UBR2: variants seen among roughly 807,000 people sequenced by gnomAD.
UBR2 encodes E3 ubiquitin-protein ligase UBR2.
A neutral mutation model predicts 247.9 loss-of-function variants in UBR2; 92 were observed. That is an observed-to-expected ratio of 0.37 (90% CI 0.31 to 0.44). The LOEUF is 0.44. Ranked by LOEUF, UBR2 falls within the 20% of genes least tolerant of loss-of-function variation. UBR2 has a pLI of 1.00. For missense variants in UBR2, 1,613 were observed against 2,112.6 expected (o/e 0.76, Z 4.64); for synonymous variants, 672 against 693.5 (o/e 0.97, Z 0.49).
intron 41 of UBR2, among the ~76,000 whole-genome samples, chr6:42,679,149 A>G (rs1389476666): frequency 6.6e-6 from 1 of 152,194 alleles, no homozygotes; most frequent in Non-Finnish European, 1.5e-5. Context: ...TCATTTCATA[A>G]AAGTAGTATG....
chr6:42,633,010 C>T, intron 13 of UBR2, 106 bp downstream of exon 13: 2 of 713,816 alleles, frequency 2.8e-6, no homozygotes, highest in Non-Finnish European at 4.1e-6. Context: ...ATGGGGGTCT[C>T]ACTGTGTTGC....
rs773132766 is a variant in UBR2, at chr6:42,662,176, T to A, written c.3443-8T>A. ...TTTTGTTTTGTTTTGTTTTGTTTTG[T>A]AATGCAGAAAAATATGATCCATTAT... On this transcript the variant is annotated splice_region_variant and splice_polypyrimidine_tract_variant and intron_variant, in intron 30 of 46. Coordinates refer to ENST00000372901, the MANE Select transcript of UBR2 (RefSeq NM_001363705.2). 6.4e-7 allele frequency: 1 copy of A among 1,570,732 alleles called. No individual in the cohort carries two copies. Among genetic ancestry groups the A allele is most frequent in the South Asian group, 1.2e-5 (1 of 86,626 alleles).
At chr6:42,666,394 A>G in intron 34 of UBR2, 149 bp downstream of exon 34, 1 of 613,332 alleles carries the variant, frequency 1.6e-6, no homozygotes. Flanking sequence ...AGAGGCTGAG[A>G]CAGGAGGATA....
At chr6:42,597,841 G>A (rs1028573977) in intron 4 of UBR2, among the ~76,000 whole-genome samples, 1 of 152,002 alleles carries the variant, frequency 6.6e-6, no homozygotes, top group Middle Eastern at 3.4e-3. Context: ...GCTTGAACCC[G>A]AGAGGCAGAA....
chr6:42,615,218 T>C, intron 9 of UBR2, 40 bp downstream of exon 9: 1 of 1,455,568 alleles, frequency 6.9e-7, no homozygotes, highest in South Asian at 1.3e-5. Flanking sequence ...GAGGAACCTA[T>C]ATAAGTAATT....
intron 32 of UBR2, 92 bp downstream of exon 32, chr6:42,663,511 A>G: frequency 3.1e-6 from 4 of 1,305,394 alleles, no homozygotes; most frequent in Non-Finnish European, 4.1e-6. Flanking sequence ...TAGTCTAGGC[A>G]ATTGCATAGT....
chr6:42,643,732 A>C (rs1303743044), intron 18 of UBR2, among the ~76,000 whole-genome samples: 1 of 152,238 alleles, frequency 6.6e-6, no homozygotes, highest in East Asian at 1.9e-4. Flanking sequence ...AAAAGCTGTC[A>C]CTTCAGTCAG....
chr6:42,665,553 G>A (rs765291699), intron 33 of UBR2, 41 bp downstream of exon 33: 12 of 1,419,090 alleles, frequency 8.5e-6, no homozygotes, highest in South Asian at 6.3e-5. Flanking sequence ...CCTAAAGTCC[G>A]AGGTCATCAG....
chr6:42,641,502 A>C (rs569336441), intron 16 of UBR2, 80 bp from the exon 17 acceptor site: 1 of 989,354 alleles, frequency 1.0e-6, no homozygotes, highest in African/African-American at 1.7e-5. Context: ...ATTTATCTCT[A>C]TCGACCAAAC....
At chr6:42,631,015 C>G (rs1437447360) in intron 11 of UBR2, among the ~76,000 whole-genome samples, 1 of 152,142 alleles carries the variant, frequency 6.6e-6, no homozygotes, top group Non-Finnish European at 1.5e-5. Context: ...CTGTGTTGCC[C>G]AGGCTGGTCT....
intron 8 of UBR2, among the ~76,000 whole-genome samples, chr6:42,614,205 A>AT (rs1562310782): frequency 1.1e-4 from 3 of 26,612 alleles, no homozygotes; most frequent in Non-Finnish European, 2.0e-4. Flanking sequence ...AAAAAAAAAA[A>AT]CTATATATAT....
intron 44 of UBR2, among the ~76,000 whole-genome samples, chr6:42,686,961 C>A (rs544726291): frequency 6.8e-6 from 1 of 147,570 alleles, no homozygotes; most frequent in Non-Finnish European, 1.5e-5. Context: ...ACATCCCAGA[C>A]GATGGGCGGC....
At position 42,619,560 on chromosome 6, in the gene UBR2, C is replaced by G. The variant is rs1794840620; in HGVS notation, c.1281+2053C>G. The G allele has an allele frequency of 2.3e-5, 5 of 221,846 alleles. 1 individual carries two copies. In the South Asian group the frequency reaches 6.5e-4, roughly 29 times the overall value. The allele number at this position is 221,846 out of a possible 1,614,324, so 13.7% of individuals were successfully genotyped here. ...GCTTAGGAGTCTGAGACCAGCCTGG[C>G]CAACATGGTGAAACCCCATCTCTAC... is the stretch of plus-strand genomic sequence containing the variant. On this transcript the variant is annotated intron_variant, in intron 11 of 46. Transcript: ENST00000372901.
At chr6:42,685,390 AT>A (rs1799318807) in intron 44 of UBR2, among the ~76,000 whole-genome samples, 1 of 141,588 alleles carries the variant, frequency 7.1e-6, no homozygotes, top group East Asian at 2.1e-4. Flanking sequence ...AGAATAAGAC[AT>A]GGAATGGGAG....
chr6:42,602,363 C>T (rs186995442), intron 4 of UBR2, among the ~76,000 whole-genome samples: 47 of 151,992 alleles, frequency 3.1e-4, no homozygotes, highest in Non-Finnish European at 5.6e-4. Flanking sequence ...CCACCACGCC[C>T]GGCTAATTTT....
At chr6:42,590,202 G>A (rs1018600166) in intron 2 of UBR2, among the ~76,000 whole-genome samples, 3 of 152,094 alleles carry the variant, frequency 2.0e-5, no homozygotes, top group African/African-American at 7.2e-5. Flanking sequence ...TAATACAAGG[G>A]TATATGATTG....
intron 11 of UBR2, among the ~76,000 whole-genome samples, chr6:42,629,440 G>C (rs983138798): frequency 2.8e-4 from 42 of 149,330 alleles, no homozygotes; most frequent in African/African-American, 1.0e-3. Flanking sequence ...GATCACTTGA[G>C]GTCAAGACTT....
At position 42,564,285 on chromosome 6, in the gene UBR2, G is replaced by T. The variant is rs1454299451; in HGVS notation, c.-35G>T. ...GCCGAGGTGAGGCTGCAGCTCTCCG[G>T]GCGGCGGTAGCGCTGGGGAGGAGGA... On this transcript the variant is annotated 5_prime_UTR_variant, in exon 1 of 47. Transcript: ENST00000372901. 6.3e-7 allele frequency: 1 copy of T among 1,593,504 alleles called. No homozygotes were observed. Among genetic ancestry groups the T allele is most frequent in the Non-Finnish European group, 8.5e-7 (1 of 1,171,492 alleles).
At chr6:42,587,171 T>C (rs1476623266) in intron 2 of UBR2, among the ~76,000 whole-genome samples, 1 of 152,018 alleles carries the variant, frequency 6.6e-6, no homozygotes, top group East Asian at 1.9e-4. Flanking sequence ...TTTAACACAT[T>C]AGTCTTTTAA....
Sources: allele counts gnomAD v4.1 joint callset (sites outside exome capture counted in the v4.1 genomes callset), GRCh38; gene constraint gnomAD v4.1.1; transcripts MANE v1.5; gene names NCBI Gene and HGNC (gene_info 2026-07-23, HGNC 2026-07-21).